Variants in OR10A5 observed in about 807,000 individuals in gnomAD.
OR10A5 encodes olfactory receptor 10A5.
A neutral mutation model predicts 6.0 loss-of-function variants in OR10A5; 7 were observed. The ratio of observed to expected loss-of-function variants is 1.17; its 90% confidence interval spans 0.66 to 2.20. The LOEUF is 2.20. Ranked by LOEUF, OR10A5 falls within the 30% of genes most tolerant of loss-of-function variation. OR10A5 has a pLI of 0.00. For missense variants in OR10A5, 369 were observed against 378.1 expected (o/e 0.98, Z 0.20); for synonymous variants, 149 against 148.8 (o/e 1.00, Z -0.01).
rs1468144023 is a variant in OR10A5 at position 6,846,479 on chromosome 11, A to G, written c.797A>G (p.Asn266Ser). The change falls in exon 1 of 1, where the codon AAT becomes AGT. Residue 266 changes from asparagine to serine, a missense_variant. By Grantham distance (46) the Asn-to-Ser change is conservative. Transcript: ENST00000299454. ...CTCACCTACTTCTGGCCTAAATCAA[A>G]TAATTCTCCTGAGAGCAAGAAGTTG... The part of the protein sequence containing the change: ...SSLTYFWPKS[N>S]NSPESKKLLS... The G allele has an allele frequency of 1.2e-6, 2 of 1,613,988 alleles. No individual in the cohort carries two copies. The highest frequency in any genetic ancestry group is 1.7e-6 in the Non-Finnish European group (2 of 1,179,958).
Position 6,845,688 on chromosome 11 carries a change from T to C in OR10A5, c.6T>C (p.Ala2=), listed in dbSNP as rs578240895. M[A]IGNWTEISEF... The stretch of plus-strand genomic sequence containing the variant: ...GGGGATTTATGCCCATACTTATGGC[T>C]ATAGGAAACTGGACAGAAATAAGTG... The change falls in exon 1 of 1, where the codon GCT becomes GCC. Residue 2 remains alanine, a synonymous_variant. Transcript: ENST00000299454. 52 of 1,559,424 alleles carry C rather than the reference T, an allele frequency of 3.3e-5. No homozygotes were observed. The South Asian group carries it at 5.2e-4, about 16-fold the overall frequency.
In OR10A5 at chr11:6,845,806, G is replaced by A. The variant is rs756171503; in HGVS notation, c.124G>A (p.Gly42Arg). The change falls in exon 1 of 1, where the codon GGA becomes AGA. Residue 42 changes from glycine to arginine, a missense_variant. Physicochemically the swap from Gly to Arg is moderately radical, Grantham distance 125. Transcript: ENST00000299454. ...FLTIYLVTLK[G>R]NSLIILVTLA... is the part of the protein sequence containing the mutation. Reference sequence around the variant, plus strand: ...AACTATCTATTTGGTTACTCTGAAGGGAAACAGCCTCATCATTCTGGTTAC... The same window carrying A: ...AACTATCTATTTGGTTACTCTGAAGAGAAACAGCCTCATCATTCTGGTTAC... 1.7e-5 allele frequency: 28 copies of A among 1,614,052 alleles called. No homozygotes were observed. The highest frequency in any genetic ancestry group is 2.3e-5 in the Non-Finnish European group (27 of 1,179,974).
At position 6,846,557 on chromosome 11, in the gene OR10A5, G is replaced by A. The variant is rs1848216488; in HGVS notation, c.875G>A (p.Ser292Asn). The change falls in exon 1 of 1, where the codon AGC (serine) becomes AAC (asparagine). Residue 292 changes from serine (S) to asparagine (N), a missense_variant. Transcript: ENST00000299454. ...VTPMLNPIIYSLRNSEVKNAL... is the reference protein window; with the variant it reads ...VTPMLNPIIYNLRNSEVKNAL... ...CCCATGTTGAACCCCATTATCTACA[G>A]CTTGAGAAATAGCGAGGTGAAGAAT... 2 of 1,614,056 alleles carry A rather than the reference G, an allele frequency of 1.2e-6. No homozygotes were observed. Among genetic ancestry groups the A allele is most frequent in the Non-Finnish European group, 1.7e-6 (2 of 1,179,946 alleles).
Sources: gnomAD v4.1 joint callset for allele counts on GRCh38, gnomAD v4.1.1 for gene constraint, MANE v1.5 for transcripts, NCBI Gene and HGNC (gene_info 2026-07-23, HGNC 2026-07-21) for gene names.